Variants in EEA1 observed in about 807,000 individuals in gnomAD.
The protein encoded by EEA1 is early endosome antigen 1, also known as early endosome antigen 1, 162kD.
In EEA1, 111 loss-of-function variants were observed where a neutral mutation model predicts 209.2. The ratio of observed to expected loss-of-function variants is 0.53; its 90% CI spans 0.45 to 0.62. EEA1 has a LOEUF of 0.62. Among genes scored for constraint, EEA1 ranks in the 20% least tolerant of loss-of-function variants. The probability of loss-of-function intolerance (pLI) is 0.00; values close to 1 mark genes in which losing one functional copy is unlikely to be tolerated. For synonymous variants in EEA1, 536 were observed against 540.6 expected (o/e 0.99, Z 0.12); for missense variants, 1,343 against 1,530.8 (o/e 0.88, Z 2.05).
At chr12:92,913,650 G>GT (rs999298063) in intron 1 of EEA1, among the ~76,000 whole-genome samples, 16 of 151,862 alleles carry the variant, frequency 1.1e-4, no homozygotes, top group Non-Finnish European at 2.4e-4. Flanking sequence ...TTACTTCCAG[G>GT]TTTTTTGTTT....
In EEA1 at chr12:92,852,895, A is replaced by C; in HGVS notation, c.520+17T>G. The stretch of plus-strand genomic sequence containing the variant: ...ATGAGATTGATTTATTGGCTAAAAA[A>C]TTCTAACTCAATTTACCTGCAATTT... On this transcript the variant is annotated intron_variant, in intron 7 of 28. Transcript: ENST00000322349. 6.3e-7 allele frequency: 1 copy of C among 1,578,652 alleles called. No individual in the cohort carries two copies. The highest frequency in any genetic ancestry group is 8.7e-7 in the Non-Finnish European group (1 of 1,151,770).
Position 92,774,338 on chromosome 12 carries a change from ATAAT to A in EEA1, c.*1669_*1672del, listed in dbSNP as rs1873564803. ...AGGGTTTACTTAAATTTTTTTTTAAATAATTAAACAAATATGTAGTGATCTCTTT... is the reference window on the plus strand; with the variant it reads ...AGGGTTTACTTAAATTTTTTTTTAAATAAACAAATATGTAGTGATCTCTTT... On this transcript the variant is annotated 3_prime_UTR_variant, in exon 29 of 29. Transcript: ENST00000322349. The A allele has an allele frequency of 6.6e-6, 1 of 151,478 alleles. No homozygotes were observed. Among genetic ancestry groups the A allele is most frequent in the African/African-American group, 2.4e-5 (1 of 41,392 alleles). 9.4% of individuals were successfully genotyped at this position (151,478 alleles called of 1,614,324 possible).
At chr12:92,900,131 G>T (rs1224911336) in intron 1 of EEA1, among the ~76,000 whole-genome samples, 1 of 152,032 alleles carries the variant, frequency 6.6e-6, no homozygotes, top group Non-Finnish European at 1.5e-5. Flanking sequence ...ACAACAAAAG[G>T]GACCAAAAGT....
At chr12:92,795,751 T>C (rs561861372) in intron 21 of EEA1, among the ~76,000 whole-genome samples, 2 of 152,346 alleles carry the variant, frequency 1.3e-5, no homozygotes, top group South Asian at 4.1e-4. Context: ...CTTCTTCCAA[T>C]TCACATTGAA....
chr12:92,837,744 T>C (rs1034078117), intron 10 of EEA1, among the ~76,000 whole-genome samples: 2 of 152,328 alleles, frequency 1.3e-5, no homozygotes, highest in South Asian at 2.1e-4. Flanking sequence ...AACCTTGACA[T>C]TAACACAAAA....
intron 3 of EEA1, 99 bp from the exon 4 acceptor site, chr12:92,857,584 GT>G: frequency 1.4e-6 from 1 of 695,482 alleles, no homozygotes; most frequent in East Asian, 3.1e-5. Flanking sequence ...TAATATTATA[GT>G]TTTTTCAATT....
intron 9 of EEA1, among the ~76,000 whole-genome samples, chr12:92,847,916 AAG>A (rs1286325001): frequency 6.6e-6 from 1 of 152,138 alleles, no homozygotes; most frequent in African/African-American, 2.4e-5. Context: ...TCAAAAGAGT[AAG>A]AGTTTGTTTC....
At chr12:92,839,554 T>C (rs1239763679) in intron 10 of EEA1, among the ~76,000 whole-genome samples, 1 of 152,246 alleles carries the variant, frequency 6.6e-6, no homozygotes, top group East Asian at 1.9e-4. Flanking sequence ...ACCTGTCCTA[T>C]ATTAAGCTAG....
Position 92,819,405 on chromosome 12 carries a change from T to C in EEA1, c.1631A>G (p.Lys544Arg). 6.2e-7 allele frequency: 1 copy of C among 1,612,870 alleles called. No homozygotes were observed. Among genetic ancestry groups the C allele is most frequent in the Non-Finnish European group, 8.5e-7 (1 of 1,179,382 alleles). ...KSKENISLLE[K>R]EREDLYAKIQ... ...TTTTGCATAAAGATCTTCTCTTTCT[T>C]TTTCTAGTAATGAAATATTTTCTTT... is the stretch of plus-strand genomic sequence containing the variant. Residue 544 changes from lysine to arginine, a missense_variant, in exon 14 of 29, where the codon AAA becomes AGA. By Grantham distance (26) the Lys-to-Arg change is conservative. Transcript: ENST00000322349.
intron 2 of EEA1, among the ~76,000 whole-genome samples, chr12:92,872,988 A>T (rs541868071): frequency 2.4e-4 from 36 of 152,326 alleles, no homozygotes; most frequent in African/African-American, 8.7e-4. Context: ...GAGAGACTAG[A>T]ATTGAAAGCA....
At chr12:92,859,310 A>G in intron 3 of EEA1, 1 of 1,400,494 alleles carries the variant, frequency 7.1e-7, no homozygotes, top group South Asian at 1.2e-5. Flanking sequence ...CTTGTTGGCA[A>G]AGGCAACAGA....
intron 10 of EEA1, among the ~76,000 whole-genome samples, 192 bp downstream of exon 10, chr12:92,842,273 T>C (rs554965876): frequency 2.0e-4 from 31 of 152,132 alleles, no homozygotes; most frequent in African/African-American, 7.2e-4. Flanking sequence ...AGTTAACAGT[T>C]ATAGAATTTC....
chr12:92,925,191 A>AC (rs987810399), intron 1 of EEA1, among the ~76,000 whole-genome samples: 12 of 150,868 alleles, frequency 8.0e-5, no homozygotes, highest in African/African-American at 3.0e-4. Flanking sequence ...CAAAAAAAAA[A>AC]AAAAAAACAC....
Position 92,891,654 on chromosome 12 carries a change from T to C in EEA1, c.92A>G (p.Asp31Gly), listed in dbSNP as rs1391369749. The C allele has an allele frequency of 6.2e-7, 1 of 1,608,694 alleles. No individual in the cohort carries two copies. The highest frequency in any genetic ancestry group is 8.5e-7 in the Non-Finnish European group (1 of 1,178,204). The part of the protein sequence containing the change: ...DSSATPINTV[D>G]VNNESSSEGF... ...CTCTGAAGAGCTTTCATTATTGACG[T>C]CCACTGTGTTTATAGGAGTTGCTGA... The change falls in exon 2 of 29, where the codon GAC (aspartate) becomes GGC (glycine). Residue 31 changes from aspartate (D) to glycine (G), a missense_variant. Physicochemically the swap from Asp to Gly is moderately conservative, Grantham distance 94. Around this residue, in one of 3 missense-constraint regions of EEA1, gnomAD observed 1,307 missense variants for 1,465.5 expected, o/e 0.89. Transcript: ENST00000322349.
intron 5 of EEA1, among the ~76,000 whole-genome samples, chr12:92,855,175 A>G (rs1187734277): frequency 6.6e-6 from 1 of 152,304 alleles, no homozygotes; most frequent in East Asian, 1.9e-4. Flanking sequence ...CACGCCTGTA[A>G]TCCCAGCACT....
intron 1 of EEA1, among the ~76,000 whole-genome samples, chr12:92,907,856 C>A (rs766307695): frequency 6.6e-5 from 10 of 152,154 alleles, no homozygotes; most frequent in Non-Finnish European, 1.3e-4. Context: ...GTTATCCCAG[C>A]TACTTGGGAG....
chr12:92,789,206 C>G (rs1285530828), intron 21 of EEA1, among the ~76,000 whole-genome samples: 1 of 151,438 alleles, frequency 6.6e-6, no homozygotes, highest in East Asian at 1.9e-4. Context: ...AGAAGAATCG[C>G]CTGAACACAG....
chr12:92,906,544 G>A (rs1209299108), intron 1 of EEA1, among the ~76,000 whole-genome samples: 8 of 152,200 alleles, frequency 5.3e-5, no homozygotes, highest in African/African-American at 1.9e-4. Flanking sequence ...CGGGTGCAGT[G>A]GCTCACGCCT....
chr12:92,842,360 A>T (rs889554928), intron 10 of EEA1, 105 bp downstream of exon 10: 3 of 592,662 alleles, frequency 5.1e-6, no homozygotes, highest in Non-Finnish European at 8.6e-6. Flanking sequence ...AAAAAAAAAA[A>T]TAAGTCACAT....
Sources: allele counts gnomAD v4.1 joint callset (sites outside exome capture counted in the v4.1 genomes callset), GRCh38; gene constraint gnomAD v4.1.1; regional missense constraint gnomAD v4.1.1; transcripts MANE v1.5; gene names NCBI Gene and HGNC (gene_info 2026-07-23, HGNC 2026-07-21).